The following ZNF333 variants were observed in gnomAD, a reference collection of about 807,000 sequenced individuals.
ZNF333 encodes zinc finger protein 333.
Under a neutral mutation model 76.1 loss-of-function variants are expected in ZNF333, and 61 were observed. The ratio of observed to expected loss-of-function variants is 0.80; its 90% CI spans 0.65 to 0.99. ZNF333 has a LOEUF of 0.99. ZNF333 is among the 50% of genes least tolerant of loss of function. The probability of loss-of-function intolerance (pLI) is 0.00; values close to 1 mark genes in which losing one functional copy is unlikely to be tolerated. For synonymous variants in ZNF333, 284 were observed against 305.0 expected (o/e 0.93, Z 0.72); for missense variants, 717 against 822.4 (o/e 0.87, Z 1.57).
Position 14,720,060 on chromosome 19 carries a change from C to T in ZNF333, c.*735C>T, listed in dbSNP as rs911150892. 5 of 733,046 alleles carry T rather than the reference C, an allele frequency of 6.8e-6. No individual in the cohort carries two copies. The highest frequency in any genetic ancestry group is 5.7e-5 in the African/African-American group (3 of 52,178). The allele number at this position is 733,046 out of a possible 1,614,324, so 45.4% of individuals were successfully genotyped here. On this transcript the variant is annotated 3_prime_UTR_variant, in exon 12 of 12. Coordinates refer to ENST00000292530, the MANE Select transcript of ZNF333 (RefSeq NM_032433.4). Reference sequence around the variant, plus strand: ...AATTAGCCAAGTTTGGTGGCATGCACCTGTAATCCCAGCTACTTGGGAGGC... The same window carrying T: ...AATTAGCCAAGTTTGGTGGCATGCATCTGTAATCCCAGCTACTTGGGAGGC...
Position 14,690,140 on chromosome 19 carries a change from C to G in ZNF333, c.-52C>G, listed in dbSNP as rs1436901973. 4 of 121,626 alleles carry G rather than the reference C, an allele frequency of 3.3e-5. No individual in the cohort carries two copies. Among genetic ancestry groups the G allele is most frequent in the Non-Finnish European group, 6.4e-5 (4 of 62,196 alleles). The allele number at this position is 121,626 out of a possible 1,614,324, so 7.5% of individuals were successfully genotyped here. ...CACGGCACGGTGGGAGTGTCTCCGGCTGGCTTGCAGGTGTGGCCCGGCCCC... is the reference window on the plus strand; with the variant it reads ...CACGGCACGGTGGGAGTGTCTCCGGGTGGCTTGCAGGTGTGGCCCGGCCCC... On this transcript the variant is annotated 5_prime_UTR_variant, in exon 1 of 12. Coordinates refer to ENST00000292530, the MANE Select transcript of ZNF333 (RefSeq NM_032433.4).
Position 14,701,718 on chromosome 19 carries a change from G to T in ZNF333, c.306+2437G>T, listed in dbSNP as rs1395646699. The stretch of plus-strand genomic sequence containing the variant: ...TCCACAGAACTCCACACCCAGCCCA[G>T]CAAGCCCCTCCATAATGGGTGCTGA... On this transcript the variant is annotated intron_variant, in intron 5 of 11. Coordinates refer to ENST00000292530, the MANE Select transcript of ZNF333 (RefSeq NM_032433.4). 6.1e-6 allele frequency: 6 copies of T among 985,366 alleles called. No homozygotes were observed. In the African/African-American group the frequency reaches 1.0e-4, roughly 17 times the overall value. 61.0% of individuals were successfully genotyped at this position (985,366 alleles called of 1,614,324 possible).
At chr19:14,692,196 G>A (rs1316704905) in intron 1 of ZNF333, among the ~76,000 whole-genome samples, 1 of 152,208 alleles carries the variant, frequency 6.6e-6, no homozygotes, top group Admixed American at 6.5e-5. Flanking sequence ...TAGTGCCAAA[G>A]GCAATATGAG....
At chr19:14,705,562 C>T (rs1416545342) in intron 6 of ZNF333, among the ~76,000 whole-genome samples, 2 of 152,196 alleles carry the variant, frequency 1.3e-5, no homozygotes, top group African/African-American at 4.8e-5. Flanking sequence ...CCTCTTGGCT[C>T]AGGGCCCTGC....
At position 14,699,228 on chromosome 19, in the gene ZNF333, T is replaced by C. The variant is rs1973506379; in HGVS notation, c.253T>C (p.Leu85=). 1 of 1,613,692 alleles carries C rather than the reference T, an allele frequency of 6.2e-7. No homozygotes were observed. Among genetic ancestry groups the C allele is most frequent in the Non-Finnish European group, 8.5e-7 (1 of 1,179,862 alleles). ...GGAATCTCAACTTAAACCCGAAGAGTTGCCTTCTATGCAGGATCTTTTGGA... is the reference window on the plus strand; with the variant it reads ...GGAATCTCAACTTAAACCCGAAGAGCTGCCTTCTATGCAGGATCTTTTGGA... ...AWESQLKPEE[L]PSMQDLLEEA... is the part of the protein sequence containing the mutation. Residue 85 remains leucine, a synonymous_variant, in exon 5 of 12, where the codon TTG becomes CTG. Transcript: ENST00000292530.
intron 7 of ZNF333, chr19:14,708,062 C>T (rs1020486045): frequency 2.0e-5 from 8 of 394,852 alleles, no homozygotes; most frequent in Admixed American, 1.3e-4. Context: ...GGCTGGAGTG[C>T]AGTGGCACGA....
downstream of ZNF333, among the ~76,000 whole-genome samples, chr19:14,726,127 C>G (rs62125499): frequency 6.6e-6 from 1 of 152,138 alleles, no homozygotes; most frequent in South Asian, 2.1e-4. Context: ...CTGGAACCAC[C>G]AAAGCTTACA....
At chr19:14,730,903 T>G (rs2042665784) in intron 11 of ZNF333, among the ~76,000 whole-genome samples, 1 of 151,994 alleles carries the variant, frequency 6.6e-6, no homozygotes, top group South Asian at 2.1e-4. Flanking sequence ...GGTGAGAACA[T>G]GCGGTATTTG....
chr19:14,720,134 C>T lies in ZNF333; in HGVS notation c.*809C>T, dbSNP rs1290712253. The T allele has an allele frequency of 3.8e-5, 35 of 925,984 alleles. No individual in the cohort carries two copies. Among genetic ancestry groups the T allele is most frequent in the Non-Finnish European group, 4.1e-5 (32 of 776,256 alleles). The allele number at this position is 925,984 out of a possible 1,614,324, so 57.4% of individuals were successfully genotyped here. A position where few individuals can be genotyped will look rare whatever the true frequency, so the allele number is the denominator to read the frequency against. On this transcript the variant is annotated 3_prime_UTR_variant, in exon 12 of 12. Coordinates refer to ENST00000292530, the MANE Select transcript of ZNF333 (RefSeq NM_032433.4). ...CCAGGAGGCAGAGGTTGCAGTGAGC[C>T]GAGATTGCGCCACTGCACTCCAGCC... is the stretch of plus-strand genomic sequence containing the variant.
chr19:14,700,558 T>C (rs1194808182), intron 5 of ZNF333, among the ~76,000 whole-genome samples: 1 of 152,114 alleles, frequency 6.6e-6, no homozygotes, highest in Non-Finnish European at 1.5e-5. Context: ...GGAAAAAGCC[T>C]TCCATATGAG....
intron 7 of ZNF333, chr19:14,708,554 C>T (rs1432074452): frequency 1.0e-5 from 4 of 384,104 alleles, no homozygotes; most frequent in Non-Finnish European, 1.9e-5. Flanking sequence ...TTCTCAACTG[C>T]AGCACTGCTG....
In ZNF333 at chr19:14,719,257, G is replaced by C. The variant is rs961889008; in HGVS notation, c.1930G>C (p.Glu644Gln). ...ACACAAAAGAACCCATGTGGGAAGA[G>C]AGACCATTAGGAATGGCAGCCTGCC... ...TVHKRTHVGR[E>Q]TIRNGSLPLS... Residue 644 changes from glutamate (E) to glutamine (Q), a missense_variant, in exon 12 of 12, where the codon GAG (glutamate) becomes CAG (glutamine). By Grantham distance (29) the Glu-to-Gln change is conservative. Transcript: ENST00000292530. 3.7e-6 allele frequency: 6 copies of C among 1,614,114 alleles called. No individual in the cohort carries two copies. Among genetic ancestry groups the C allele is most frequent in the Non-Finnish European group, 1.7e-6 (2 of 1,180,046 alleles).
chr19:14,695,724 T>C, intron 4 of ZNF333, 63 bp downstream of exon 4: 1 of 1,463,444 alleles, frequency 6.8e-7, no homozygotes, highest in Non-Finnish European at 9.5e-7. Flanking sequence ...CCTTGGGAAG[T>C]GTCAAGAGCA....
chr19:14,728,565 G>A (rs1029551891), intron 11 of ZNF333, among the ~76,000 whole-genome samples: 6 of 152,180 alleles, frequency 3.9e-5, no homozygotes, highest in Admixed American at 1.3e-4. Flanking sequence ...AGAAAGATGA[G>A]CAGGTGAAGC....
intron 4 of ZNF333, among the ~76,000 whole-genome samples, chr19:14,698,001 T>C (rs928942934): frequency 3.9e-5 from 6 of 152,190 alleles, no homozygotes; most frequent in African/African-American, 1.4e-4. Flanking sequence ...CCTCTCATTT[T>C]CCCCTCATTC....
Position 14,721,467 on chromosome 19 carries a change from A to G in ZNF333, c.*2142A>G, listed in dbSNP as rs1372609351. The G allele has an allele frequency of 6.6e-6, 1 of 151,828 alleles. No homozygotes were observed. Among genetic ancestry groups the G allele is most frequent in the Non-Finnish European group, 1.5e-5 (1 of 67,954 alleles). The allele number at this position is 151,828 out of a possible 1,614,324, so 9.4% of individuals were successfully genotyped here. On this transcript the variant is annotated 3_prime_UTR_variant, in exon 12 of 12. Coordinates refer to ENST00000292530, the MANE Select transcript of ZNF333 (RefSeq NM_032433.4). ...CCCCACCTCATCCTCAAAGGTTATC[A>G]CTATTCTGATGTCTATCACCATAGA...
Position 14,699,260 on chromosome 19 carries a change from A to G in ZNF333, c.285A>G (p.Ala95=). ...LPSMQDLLEE[A]SSRDMQMGPG... ...CTATGCAGGATCTTTTGGAAGAAGCATCCTCCAGGGACATGCAAATGGTAA... is the reference window on the plus strand; with the variant it reads ...CTATGCAGGATCTTTTGGAAGAAGCGTCCTCCAGGGACATGCAAATGGTAA... The change falls in exon 5 of 12, where the codon GCA becomes GCG. Residue 95 remains alanine, a synonymous_variant. Coordinates refer to ENST00000292530, the MANE Select transcript of ZNF333 (RefSeq NM_032433.4). 1 of 1,613,942 alleles carries G rather than the reference A, an allele frequency of 6.2e-7. No individual in the cohort carries two copies. The highest frequency in any genetic ancestry group is 8.5e-7 in the Non-Finnish European group (1 of 1,179,896).
intron 5 of ZNF333, 25 bp from the exon 6 acceptor site, chr19:14,705,029 T>C: frequency 6.2e-7 from 1 of 1,610,134 alleles, no homozygotes; most frequent in Non-Finnish European, 8.5e-7. Context: ...TCTGTCCTGC[T>C]CAGCACCCTC....
chr19:14,718,575 T>C lies in ZNF333; in HGVS notation c.1248T>C (p.His416=). 6.2e-7 allele frequency: 1 copy of C among 1,614,058 alleles called. No homozygotes were observed. Residue 416 remains histidine (H), a synonymous_variant, in exon 12 of 12, where the codon CAT becomes CAC. Transcript: ENST00000292530. Reference sequence around the variant, plus strand: ...ATCTCCGGCGACACATGAGAACCCATACCGGAGAGAAGCCATTTGAATGTA... The same window carrying C: ...ATCTCCGGCGACACATGAGAACCCACACCGGAGAGAAGCCATTTGAATGTA... ...SSNLRRHMRT[H]TGEKPFECSQ...
Sources: gnomAD v4.1 joint callset for allele counts (sites outside exome capture counted in the v4.1 genomes callset) on GRCh38, gnomAD v4.1.1 for gene constraint, MANE v1.5 for transcripts, NCBI Gene and HGNC (gene_info 2026-07-23, HGNC 2026-07-21) for gene names.